Variants in RALGAPA2 observed in about 807,000 individuals in gnomAD.
RALGAPA2 encodes Ral GTPase activating protein catalytic subunit alpha 2, also known as ral GTPase-activating protein subunit alpha-2.
RALGAPA2 carries 139 observed loss-of-function variants against 230.4 expected under a neutral mutation model. The observed-to-expected ratio is 0.60, with a 90% confidence interval of 0.53 to 0.69. The LOEUF is 0.69. Among genes scored for constraint, RALGAPA2 ranks in the 30% least tolerant of loss-of-function variants. RALGAPA2 has a pLI of 0.00. For missense variants in RALGAPA2, 2,163 were observed against 2,276.0 expected (o/e 0.95, Z 1.01); for synonymous variants, 847 against 837.8 (o/e 1.01, Z -0.19).
intron 1 of RALGAPA2, among the ~76,000 whole-genome samples, chr20:20,689,921 T>C (rs1002900118): frequency 1.3e-5 from 2 of 152,164 alleles, no homozygotes; most frequent in Non-Finnish European, 2.9e-5. Context: ...AATCCCTTCC[T>C]GGATTTTCTG....
chr20:20,411,572 C>G (rs954845293), intron 38 of RALGAPA2, among the ~76,000 whole-genome samples: 35 of 152,192 alleles, frequency 2.3e-4, no homozygotes, highest in African/African-American at 8.4e-4. Flanking sequence ...TGATGGACCC[C>G]GGGACACTGT....
chr20:20,592,401 G>A (rs1455930655), intron 16 of RALGAPA2, among the ~76,000 whole-genome samples: 1 of 151,972 alleles, frequency 6.6e-6, no homozygotes, highest in East Asian at 1.9e-4. Context: ...TGTTCTTCCT[G>A]CTGTTCACTC....
intron 1 of RALGAPA2, among the ~76,000 whole-genome samples, chr20:20,710,967 CA>C (rs753962581): frequency 5.3e-5 from 8 of 152,190 alleles, no homozygotes; most frequent in Admixed American, 2.0e-4. Flanking sequence ...GTGTATTGTG[CA>C]ACCTGTGCGT....
At chr20:20,634,571 C>T (rs184094591) in intron 9 of RALGAPA2, among the ~76,000 whole-genome samples, 189 of 152,278 alleles carry the variant, frequency 1.2e-3, no homozygotes, top group Admixed American at 2.1e-3. Flanking sequence ...CCTTGAAGCA[C>T]AAGAGCCACT....
intron 37 of RALGAPA2, among the ~76,000 whole-genome samples, chr20:20,428,427 G>A (rs1158373187): frequency 6.6e-6 from 1 of 152,024 alleles, no homozygotes; most frequent in Non-Finnish European, 1.5e-5. Flanking sequence ...AATTGAATTC[G>A]GTACGTCTTT....
In RALGAPA2 at chr20:20,526,299, C is replaced by T. The variant is rs1224662191; in HGVS notation, c.3646G>A (p.Glu1216Lys). 3 of 1,609,064 alleles carry T rather than the reference C, an allele frequency of 1.9e-6. No individual in the cohort carries two copies. Among genetic ancestry groups the T allele is most frequent in the Non-Finnish European group, 2.5e-6 (3 of 1,178,610 alleles). ...DVLQLLVSYW[E>K]KLQMFETSLP... ...GAGGTTTCAAACATCTGAAGCTTCT[C>T]CCAGTAGGAAACCAGCAACTGAAGG... The change falls in exon 28 of 40, where the codon GAG becomes AAG. Residue 1216 changes from glutamate (E) to lysine (K), a missense_variant. Coordinates refer to ENST00000202677, the MANE Select transcript of RALGAPA2 (RefSeq NM_020343.4).
chr20:20,530,872 G>C (rs575420121), intron 27 of RALGAPA2, among the ~76,000 whole-genome samples: 1 of 152,128 alleles, frequency 6.6e-6, no homozygotes, highest in Non-Finnish European at 1.5e-5. Flanking sequence ...TCAGCACAGC[G>C]CCTGGCAGAG....
At position 20,654,300 on chromosome 20, in the gene RALGAPA2, T is replaced by C. The variant is rs369409142; in HGVS notation, c.271-713A>G. On this transcript the variant is annotated intron_variant, in intron 3 of 39. Transcript: ENST00000202677. ...GCCTCCACGGTTCAAGTGATTCTCC[T>C]GCCTGAGTCTCCCAAGTAGCTGGGA... is the stretch of plus-strand genomic sequence containing the variant. 3.3e-5 allele frequency among the ~76,000 whole-genome samples: 5 copies of C among 152,306 alleles called. 1 individual carries two copies. The South Asian group carries it at 1.0e-3, about 32-fold the overall frequency.
intron 3 of RALGAPA2, among the ~76,000 whole-genome samples, chr20:20,665,737 C>T (rs2067937741): frequency 6.6e-6 from 1 of 152,208 alleles, no homozygotes; most frequent in Non-Finnish European, 1.5e-5. Context: ...CCGGTTTGTA[C>T]AGATCATAGA....
chr20:20,547,029 C>T (rs973076101), intron 23 of RALGAPA2, among the ~76,000 whole-genome samples, 197 bp from the exon 24 acceptor site: 1 of 152,134 alleles, frequency 6.6e-6, no homozygotes, highest in Non-Finnish European at 1.5e-5. Context: ...AGATTGGAGA[C>T]CCCAAGCTGT....
intron 14 of RALGAPA2, among the ~76,000 whole-genome samples, chr20:20,610,845 C>T (rs1230548481): frequency 6.6e-6 from 1 of 152,248 alleles, no homozygotes; most frequent in East Asian, 1.9e-4. Context: ...CCCCAGGCAC[C>T]CAGGATACAC....
At chr20:20,538,284 G>A (rs6046919) in intron 24 of RALGAPA2, among the ~76,000 whole-genome samples, 2 of 152,340 alleles carry the variant, frequency 1.3e-5, no homozygotes, top group African/African-American at 4.8e-5. Flanking sequence ...GTTCTGCTCA[G>A]GATGTTTAGG....
At chr20:20,695,244 T>C (rs960260241) in intron 1 of RALGAPA2, among the ~76,000 whole-genome samples, 2 of 152,238 alleles carry the variant, frequency 1.3e-5, no homozygotes, top group Non-Finnish European at 2.9e-5. Context: ...AGCACATACA[T>C]GGTACATAAT....
chr20:20,589,324 G>A lies in RALGAPA2; in HGVS notation c.2383C>T (p.Pro795Ser). Reference protein sequence around the residue: ...ENTQNSSSSEPQPIQENKGHV... With the variant: ...ENTQNSSSSESQPIQENKGHV... ...CCTTTATTCTCTTGAATAGGCTGAG[G>A]CTCTGAAGAACTCGAATTCTGTGTG... The change falls in exon 18 of 40, where the codon CCT (proline) becomes TCT (serine). Residue 795 changes from proline to serine, a missense_variant. Coordinates refer to ENST00000202677, the MANE Select transcript of RALGAPA2 (RefSeq NM_020343.4). The A allele has an allele frequency of 6.3e-7, 1 of 1,592,654 alleles. No individual in the cohort carries two copies.
chr20:20,435,464 T>C (rs2060589258), intron 37 of RALGAPA2, among the ~76,000 whole-genome samples: 1 of 152,132 alleles, frequency 6.6e-6, no homozygotes, highest in Non-Finnish European at 1.5e-5. Context: ...TAAATGCAGC[T>C]AATACAGAGC....
intron 5 of RALGAPA2, among the ~76,000 whole-genome samples, chr20:20,641,430 G>A (rs965826561): frequency 6.6e-6 from 1 of 152,144 alleles, no homozygotes; most frequent in African/African-American, 2.4e-5. Context: ...CAGAAGATAT[G>A]GAGCTAAATA....
In RALGAPA2 at chr20:20,531,722, T is replaced by C. The variant is rs544057013; in HGVS notation, c.3547A>G (p.Lys1183Glu). 190 of 1,608,506 alleles carry C rather than the reference T, an allele frequency of 1.2e-4. No homozygotes were observed. Among genetic ancestry groups the C allele is most frequent in the Non-Finnish European group, 1.5e-4 (179 of 1,177,306 alleles). Residue 1183 changes from lysine (K) to glutamate (E), a missense_variant, in exon 27 of 40, where the codon AAA becomes GAA. Physicochemically the swap from Lys to Glu is moderately conservative, Grantham distance 56. Coordinates refer to ENST00000202677, the MANE Select transcript of RALGAPA2 (RefSeq NM_020343.4). ...ACTCCTATCACATTGATGGCCTCTTTCACCTGAGGGTGGCTTGTACACTGT... is the reference window on the plus strand; with the variant it reads ...ACTCCTATCACATTGATGGCCTCTTCCACCTGAGGGTGGCTTGTACACTGT... Reference protein sequence around the residue: ...LAQCTSHPQVKEAINVIGVTL... With the variant: ...LAQCTSHPQVEEAINVIGVTL...
intron 19 of RALGAPA2, 24 bp from the exon 20 acceptor site, chr20:20,583,250 T>C: frequency 6.4e-7 from 1 of 1,568,812 alleles, no homozygotes; most frequent in Non-Finnish European, 8.6e-7. Context: ...AGAACCAAAG[T>C]TTAAGATAAA....
At position 20,583,096 on chromosome 20, in the gene RALGAPA2, G is replaced by A. The variant is rs1442380259; in HGVS notation, c.2661C>T (p.Ala887=). The change falls in exon 20 of 40, where the codon GCC becomes GCT. Residue 887 remains alanine, a synonymous_variant. Transcript: ENST00000202677. ...TPTDVVADAD[A]RHWLQLSPTD... Reference sequence around the variant, plus strand: ...TGGGACTCAGTTGTAACCAATGACGGGCATCAGCATCAGCCACAACATCTG... The same window carrying A: ...TGGGACTCAGTTGTAACCAATGACGAGCATCAGCATCAGCCACAACATCTG... The A allele has an allele frequency of 1.2e-6, 2 of 1,613,576 alleles. No homozygotes were observed. The highest frequency in any genetic ancestry group is 3.3e-5 in the Admixed American group (2 of 59,960).
Sources: allele counts gnomAD v4.1 joint callset (sites outside exome capture counted in the v4.1 genomes callset), GRCh38; gene constraint gnomAD v4.1.1; transcripts MANE v1.5; gene names NCBI Gene and HGNC (gene_info 2026-07-23, HGNC 2026-07-21).